The following DPP9 variants were observed in gnomAD, a reference collection of about 807,000 sequenced individuals.
The protein encoded by DPP9 is dipeptidyl peptidase 9, also known as dipeptidyl peptidase IV-related protein-2.
Under a neutral mutation model 110.7 loss-of-function variants are expected in DPP9, and 50 were observed. That is an observed-to-expected ratio of 0.45 (90% confidence interval 0.36 to 0.57). The LOEUF (loss-of-function observed/expected upper bound fraction) is 0.57. Ranked by LOEUF, DPP9 falls within the 20% of genes least tolerant of loss-of-function variation. The pLI is 0.00. For synonymous variants in DPP9, 561 were observed against 514.4 expected, an observed-to-expected ratio of 1.09 and a Z score of -1.23; for missense variants, 1,022 against 1,217.9, an observed-to-expected ratio of 0.84 and a Z score of 2.39.
rs939308335 is a variant in DPP9, at chr19:4,723,720, GCGGCGCCT to G, written c.-143_-136del. ...GACTGGGCAGGTCGTCCCGGGTCCA[GCGGCGCCT>G]CACGGTCGCGGCTCCATGCCCGGGA... On this transcript the variant is annotated 5_prime_UTR_variant, in exon 1 of 22. It removes the in-frame stop codon of an upstream open reading frame in the 5' UTR. Transcript: ENST00000262960. 1 of 153,804 alleles carries G rather than the reference GCGGCGCCT, an allele frequency of 6.5e-6. No individual in the cohort carries two copies. The highest frequency in any genetic ancestry group is 2.4e-5 in the African/African-American group (1 of 41,472). The allele number at this position is 153,804 out of a possible 1,614,324, so 9.5% of individuals were successfully genotyped here.
chr19:4,707,477 G>A (rs2092640201), intron 4 of DPP9, among the ~76,000 whole-genome samples: 3 of 152,032 alleles, frequency 2.0e-5, no homozygotes, highest in South Asian at 2.1e-4. Context: ...GCCCACAAAC[G>A]TGACATGACT....
At chr19:4,711,356 G>A (rs1174583002) in intron 4 of DPP9, among the ~76,000 whole-genome samples, 2 of 152,170 alleles carry the variant, frequency 1.3e-5, no homozygotes, top group African/African-American at 2.4e-5. Flanking sequence ...CCTGGGGCTC[G>A]GGTGTGGAGG....
chr19:4,699,222 T>C (rs1045273139), intron 10 of DPP9, among the ~76,000 whole-genome samples: 15 of 147,718 alleles, frequency 1.0e-4, no homozygotes, highest in Non-Finnish European at 1.8e-4. Context: ...AATCACATTA[T>C]GTCATTTTTG....
chr19:4,716,479 T>C (rs1391271681), intron 3 of DPP9, among the ~76,000 whole-genome samples: 1 of 151,604 alleles, frequency 6.6e-6, no homozygotes, highest in Non-Finnish European at 1.5e-5. Context: ...CTACCAAAAA[T>C]ACAAAAAATT....
chr19:4,722,705 G>A, intron 1 of DPP9, 154 bp from the exon 2 acceptor site: 1 of 614,826 alleles, frequency 1.6e-6, no homozygotes, highest in South Asian at 1.9e-5. Context: ...CTGTCTGCAT[G>A]CCCTGGACAG....
At chr19:4,690,758 TGTGAGAATGA>T in intron 14 of DPP9, 110 bp downstream of exon 14, 1 of 805,392 alleles carries the variant, frequency 1.2e-6, no homozygotes, top group Non-Finnish European at 2.0e-6. Context: ...TGTGTGTATG[TGTGAGAATGA>T]GTATGTGTGT....
Position 4,702,040 on chromosome 19 carries a change from C to T in DPP9, c.999G>A (p.Arg333=), listed in dbSNP as rs374355459. The T allele has an allele frequency of 2.5e-6, 4 of 1,613,764 alleles. No homozygotes were observed. In the East Asian group the frequency reaches 8.9e-5, roughly 36 times the overall value. ...ALEERKTDSY[R]YPRTGSKNPK... is the part of the protein sequence containing the mutation. ...CCGGGCACTCACCTGTCCTGGGGTA[C>T]CGATACGAGTCCGTCTTCCTTTCTT... The change falls in exon 9 of 22, where the codon CGG becomes CGA. Residue 333 remains arginine (R), a synonymous_variant. Coordinates refer to ENST00000262960, the MANE Select transcript of DPP9 (RefSeq NM_139159.5).
At chr19:4,679,789 G>A in intron 21 of DPP9, 46 bp downstream of exon 21, 1 of 1,459,644 alleles carries the variant, frequency 6.9e-7, no homozygotes, top group Non-Finnish European at 9.5e-7. Flanking sequence ...CACTCCCAGG[G>A]ATCTGTCGGC....
In DPP9 at chr19:4,695,564, G is replaced by T. The variant is rs1319856792; in HGVS notation, c.1176-9C>A. On this transcript the variant is annotated splice_polypyrimidine_tract_variant and intron_variant, in intron 11 of 21. Coordinates refer to ENST00000262960, the MANE Select transcript of DPP9 (RefSeq NM_139159.5). This position sits in a 1 kb window ranked among gnomAD's most constrained non-coding sequence, Gnocchi z 4.7. ...GGAACATGGCCCAGGCGCTAAGGGG[G>T]AAGATGCGGGGGAAGATGAGAGGGA... The T allele has an allele frequency of 2.7e-6, 4 of 1,462,726 alleles. No homozygotes were observed. Among genetic ancestry groups the T allele is most frequent in the African/African-American group, 1.5e-5 (1 of 68,818 alleles). 90.6% of individuals were successfully genotyped at this position (1,462,726 alleles called of 1,614,324 possible).
intron 20 of DPP9, among the ~76,000 whole-genome samples, chr19:4,680,374 C>T (rs956707823): frequency 2.6e-5 from 4 of 151,800 alleles, no homozygotes; most frequent in Non-Finnish European, 5.9e-5. Flanking sequence ...CACTGCACTC[C>T]AGCCTGGGTG....
intron 8 of DPP9, 64 bp from the exon 9 acceptor site, chr19:4,702,219 C>A: frequency 6.5e-7 from 1 of 1,538,526 alleles, no homozygotes; most frequent in Admixed American, 2.0e-5. Context: ...CATCAGCACC[C>A]CCCGCCCCCT....
In DPP9 at chr19:4,689,462, C is replaced by T. The variant is rs150209483; in HGVS notation, c.1749+108G>A. The T allele has an allele frequency of 1.2e-5, 17 of 1,390,042 alleles. No homozygotes were observed. Among genetic ancestry groups the T allele is most frequent in the South Asian group, 1.4e-5 (1 of 73,896 alleles). The allele number at this position is 1,390,042 out of a possible 1,614,324, so 86.1% of individuals were successfully genotyped here. A position where few individuals can be genotyped will look rare whatever the true frequency, so the allele number is the denominator to read the frequency against. ...CTGCCCCAAGGCAGCTATGAGAATGCGAGACCATGAGAATGACCCTGAGTG... is the reference window on the plus strand; with the variant it reads ...CTGCCCCAAGGCAGCTATGAGAATGTGAGACCATGAGAATGACCCTGAGTG... On this transcript the variant is annotated intron_variant, in intron 15 of 21. Coordinates refer to ENST00000262960, the MANE Select transcript of DPP9 (RefSeq NM_139159.5). The surrounding 1 kb of genome is among the most constrained non-coding windows in gnomAD (Gnocchi z 7.0).
chr19:4,722,057 G>A (rs2093348123), intron 2 of DPP9: 1 of 163,400 alleles, frequency 6.1e-6, no homozygotes, highest in African/African-American at 2.4e-5. Context: ...CACACATACA[G>A]CTTTTAACAC....
At chr19:4,713,635 G>A (rs1036649476) in intron 4 of DPP9, among the ~76,000 whole-genome samples, 5 of 152,212 alleles carry the variant, frequency 3.3e-5, no homozygotes, top group Admixed American at 1.3e-4. Context: ...GCACCTCCAC[G>A]GCGAGCTCCT....
intron 19 of DPP9, chr19:4,683,150 G>A (rs963141545): frequency 7.6e-6 from 11 of 1,447,212 alleles, no homozygotes; most frequent in African/African-American, 5.8e-5. Context: ...GACTGCCGCC[G>A]GCCTGGGGCC....
At chr19:4,679,059 C>A (rs1011532794) in intron 21 of DPP9, among the ~76,000 whole-genome samples, 4 of 148,988 alleles carry the variant, frequency 2.7e-5, no homozygotes, top group Non-Finnish European at 4.4e-5. Flanking sequence ...CTCCACCCTG[C>A]TTACTGAGGG....
At position 4,681,395 on chromosome 19, in the gene DPP9, G is replaced by A. The variant is rs560731465; in HGVS notation, c.2474+1301C>T. Among the ~76,000 whole-genome samples the A allele has an allele frequency of 1.8e-4, 27 of 150,608 alleles. 1 individual carries two copies. Among genetic ancestry groups the A allele is most frequent in the Admixed American group, 2.6e-4 (4 of 15,146 alleles). On this transcript the variant is annotated intron_variant, in intron 20 of 21. Transcript: ENST00000262960. Reference sequence around the variant, plus strand: ...CAGTGGTGCGATCTCAGCTCACTGCGACCTCACCCTTCCAGGTTCAAGCAA... The same window carrying A: ...CAGTGGTGCGATCTCAGCTCACTGCAACCTCACCCTTCCAGGTTCAAGCAA...
In DPP9 at chr19:4,697,606, G is replaced by A. The variant is rs1194335853; in HGVS notation, c.1120C>T (p.Leu374=). The part of the protein sequence containing the change: ...EKELVQPFSS[L]FPKVEYIARA... ...GCGATGTACTCCACCTTCGGGAACA[G>A]CGAGCTGAAGGGCTGCACCAGCTCC... Residue 374 remains leucine, a synonymous_variant, in exon 11 of 22, where the codon CTG becomes TTG. Transcript: ENST00000262960. 2 of 1,613,910 alleles carry A rather than the reference G, an allele frequency of 1.2e-6. No homozygotes were observed. Among genetic ancestry groups the A allele is most frequent in the East Asian group, 2.2e-5 (1 of 44,868 alleles).
intron 5 of DPP9, among the ~76,000 whole-genome samples, chr19:4,705,124 A>G (rs2092515004): frequency 6.6e-6 from 1 of 152,208 alleles, no homozygotes; most frequent in Non-Finnish European, 1.5e-5. Context: ...AGTGGTGGAG[A>G]AAGTGGGAGT....
Sources: gnomAD v4.1 joint callset for allele counts (sites outside exome capture counted in the v4.1 genomes callset) on GRCh38, gnomAD v4.1.1 for gene constraint, Gnocchi (gnomAD v3.1) non-coding constraint, MANE v1.5 for transcripts, NCBI Gene and HGNC (gene_info 2026-07-23, HGNC 2026-07-21) for gene names.